RNGTT: variants seen among roughly 807,000 people sequenced by gnomAD.
RNGTT encodes the protein RNA guanylyltransferase and 5'-phosphatase, also known as mRNA-capping enzyme.
RNGTT carries 33 observed loss-of-function variants against 79.3 expected under a neutral mutation model. The ratio of observed to expected loss-of-function variants is 0.42; its 90% CI spans 0.32 to 0.56. The LOEUF (loss-of-function observed/expected upper bound fraction) is 0.56, where lower values mean the gene tolerates loss of function less well. RNGTT is among the 20% of genes least tolerant of loss of function. The probability of loss-of-function intolerance (pLI) is 0.17; values close to 1 mark genes in which losing one functional copy is unlikely to be tolerated. For missense variants in RNGTT, 497 were observed against 739.1 expected (o/e 0.67, Z 3.80); for synonymous variants, 222 against 235.9 (o/e 0.94, Z 0.54).
intron 14 of RNGTT, among the ~76,000 whole-genome samples, chr6:88,636,025 G>A (rs1773087138): frequency 6.6e-6 from 1 of 151,998 alleles, no homozygotes; most frequent in Non-Finnish European, 1.5e-5. Flanking sequence ...TTCAGCTCCT[G>A]CTACTGTGCA....
chr6:88,889,001 C>T (rs990790789), intron 8 of RNGTT, among the ~76,000 whole-genome samples: 1 of 152,148 alleles, frequency 6.6e-6, no homozygotes, highest in Admixed American at 6.5e-5. Flanking sequence ...GCACTTCAGC[C>T]TGGACAACAA....
intron 12 of RNGTT, among the ~76,000 whole-genome samples, chr6:88,784,051 C>T (rs951143134): frequency 2.0e-5 from 3 of 152,050 alleles, no homozygotes; most frequent in African/African-American, 7.2e-5. Context: ...AGATGAAGTT[C>T]AGAGTGCTAT....
rs1360743013 is a variant in RNGTT at position 88,919,847 on chromosome 6, C to T, written c.367+9138G>A. Reference sequence around the variant, plus strand: ...CTGGGATTACAGGCATGCGCCACCACGCCTGGCTAATTTTGTATTTTTAGT... The same window carrying T: ...CTGGGATTACAGGCATGCGCCACCATGCCTGGCTAATTTTGTATTTTTAGT... On this transcript the variant is annotated intron_variant, in intron 4 of 15. Coordinates refer to ENST00000369485, the MANE Select transcript of RNGTT (RefSeq NM_003800.5). 1.1e-4 allele frequency among the ~76,000 whole-genome samples: 16 copies of T among 151,828 alleles called. No homozygotes were observed. The East Asian group carries it at 2.5e-3, about 24-fold the overall frequency.
intron 14 of RNGTT, among the ~76,000 whole-genome samples, chr6:88,632,031 G>A (rs1216857784): frequency 2.0e-5 from 3 of 152,092 alleles, no homozygotes; most frequent in Non-Finnish European, 4.4e-5. Context: ...GACGCTCACA[G>A]CTCACTGCAG....
Position 88,798,809 on chromosome 6 carries a change from G to C in RNGTT, c.1338+2755C>G, listed in dbSNP as rs1356982720. On this transcript the variant is annotated intron_variant, in intron 12 of 15. Transcript: ENST00000369485. ...ATCAGAAATTTCTTAACACAATAAAGGATATCTAACAGAAATCTACCACAA... is the reference window on the plus strand; with the variant it reads ...ATCAGAAATTTCTTAACACAATAAACGATATCTAACAGAAATCTACCACAA... 2.0e-5 allele frequency among the ~76,000 whole-genome samples: 3 copies of C among 152,302 alleles called. No homozygotes were observed. The East Asian group carries it at 5.8e-4, about 29-fold the overall frequency.
rs1411542014 is a variant in RNGTT, at chr6:88,891,691, A to C, written c.794+115T>G. The C allele has an allele frequency of 5.3e-6, 3 of 563,064 alleles. No individual in the cohort carries two copies. The African/African-American group carries it at 5.9e-5, about 11-fold the overall frequency. The allele number at this position is 563,064 out of a possible 1,614,324, so 34.9% of individuals were successfully genotyped here. A position where few individuals can be genotyped will look rare whatever the true frequency, so the allele number is the denominator to read the frequency against. On this transcript the variant is annotated intron_variant, in intron 7 of 15. Transcript: ENST00000369485. Reference sequence around the variant, plus strand: ...CTTGAACGAAATCTGACACCTTTAAAGTATTCTATTGCAAACATACTAACT... The same window carrying C: ...CTTGAACGAAATCTGACACCTTTAACGTATTCTATTGCAAACATACTAACT...
chr6:88,781,835 C>T (rs551843465), intron 12 of RNGTT, among the ~76,000 whole-genome samples: 2 of 152,206 alleles, frequency 1.3e-5, no homozygotes, highest in East Asian at 1.9e-4. Flanking sequence ...TCAAAACTCT[C>T]GAATCATCTT....
chr6:88,949,409 G>A (rs948693339), intron 1 of RNGTT, among the ~76,000 whole-genome samples: 1 of 151,744 alleles, frequency 6.6e-6, no homozygotes, highest in Non-Finnish European at 1.5e-5. Context: ...CTACAGGTGA[G>A]CACCACCATG....
At chr6:88,952,218 C>T (rs1785274472) in intron 1 of RNGTT, among the ~76,000 whole-genome samples, 1 of 152,136 alleles carries the variant, frequency 6.6e-6, no homozygotes, top group South Asian at 2.1e-4. Flanking sequence ...GGAACATAAC[C>T]TGTTGGCCCA....
At chr6:88,739,019 C>T (rs1435274247) in intron 13 of RNGTT, among the ~76,000 whole-genome samples, 6 of 151,874 alleles carry the variant, frequency 4.0e-5, no homozygotes, top group Non-Finnish European at 5.9e-5. Context: ...CCAATTTATA[C>T]TTTATGTTAT....
chr6:88,927,970 C>A (rs113213230), intron 4 of RNGTT, among the ~76,000 whole-genome samples: 2,094 of 152,060 alleles, frequency 0.014, 49 homozygotes, highest in African/African-American at 0.049. Flanking sequence ...TTTGAGAGGC[C>A]GTGGCAAGAG....
At chr6:88,921,294 G>C (rs1784156127) in intron 4 of RNGTT, among the ~76,000 whole-genome samples, 1 of 151,724 alleles carries the variant, frequency 6.6e-6, no homozygotes, top group African/African-American at 2.4e-5. Flanking sequence ...ATCCCAGCCT[G>C]GGTGACATAG....
chr6:88,670,871 C>CA (rs1378477711), intron 14 of RNGTT, among the ~76,000 whole-genome samples: 2 of 152,118 alleles, frequency 1.3e-5, no homozygotes, highest in African/African-American at 4.8e-5. Context: ...GCGAGTCTAC[C>CA]AATGCTCCCA....
At chr6:88,684,227 C>T (rs75893844) in intron 13 of RNGTT, among the ~76,000 whole-genome samples, 1 of 152,256 alleles carries the variant, frequency 6.6e-6, no homozygotes, top group East Asian at 1.9e-4. Context: ...AGAACACTGA[C>T]ACCACCAATG....
intron 12 of RNGTT, among the ~76,000 whole-genome samples, chr6:88,795,507 G>A (rs1446634892): frequency 6.6e-6 from 1 of 151,998 alleles, no homozygotes; most frequent in Non-Finnish European, 1.5e-5. Context: ...CACAGGGAGG[G>A]AACATCACAC....
intron 13 of RNGTT, among the ~76,000 whole-genome samples, chr6:88,710,325 T>C (rs921348826): frequency 6.6e-6 from 1 of 152,252 alleles, no homozygotes; most frequent in African/African-American, 2.4e-5. Context: ...TTAAATATAC[T>C]GTATGTTGTC....
intron 14 of RNGTT, among the ~76,000 whole-genome samples, chr6:88,624,223 T>C (rs1217488084): frequency 6.6e-6 from 1 of 151,946 alleles, no homozygotes; most frequent in African/African-American, 2.4e-5. Context: ...CCAAAGGATT[T>C]TTTAATGGAT....
At chr6:88,901,576 A>G (rs1026804794) in intron 6 of RNGTT, among the ~76,000 whole-genome samples, 3 of 129,436 alleles carry the variant, frequency 2.3e-5, no homozygotes, top group Non-Finnish European at 3.1e-5. Context: ...GCGCGATCTC[A>G]GCTCACTGCA....
chr6:88,678,443 T>G (rs751797817), intron 13 of RNGTT, 24 bp from the exon 14 acceptor site: 5 of 1,370,586 alleles, frequency 3.6e-6, no homozygotes, highest in Non-Finnish European at 4.8e-6. Flanking sequence ...AAAGCATTAT[T>G]TATAAAATAC....
Sources: allele counts gnomAD v4.1 joint callset (sites outside exome capture counted in the v4.1 genomes callset), GRCh38; gene constraint gnomAD v4.1.1; transcripts MANE v1.5; gene names NCBI Gene and HGNC (gene_info 2026-07-23, HGNC 2026-07-21).